SNTG2: variants seen among roughly 807,000 people sequenced by gnomAD.
SNTG2 encodes the protein syntrophin gamma 2, also known as gamma-2-syntrophin.
SNTG2 carries 74 observed loss-of-function variants against 70.9 expected under a neutral mutation model. That is an observed-to-expected ratio of 1.04 (90% CI 0.86 to 1.27). The LOEUF (loss-of-function observed/expected upper bound fraction) is 1.27, where lower values mean the gene tolerates loss of function less well. Among genes scored for constraint, SNTG2 ranks in the 50% most tolerant of loss-of-function variants. The pLI is 0.00. For synonymous variants in SNTG2, 278 were observed against 273.8 expected (o/e 1.02, Z -0.15); for missense variants, 717 against 690.7 (o/e 1.04, Z -0.43).
intron 1 of SNTG2, among the ~76,000 whole-genome samples, chr2:1,016,871 C>T (rs1322157265): frequency 6.6e-6 from 1 of 152,170 alleles, no homozygotes; most frequent in East Asian, 1.9e-4. Flanking sequence ...AGTGCACAGC[C>T]TCTGCAAAAC....
intron 13 of SNTG2, among the ~76,000 whole-genome samples, chr2:1,265,469 G>C (rs1447608610): frequency 6.6e-6 from 1 of 152,148 alleles, no homozygotes; most frequent in Middle Eastern, 3.2e-3. Context: ...GGCATTTGAT[G>C]TCTGGATGAT....
At chr2:1,106,275 T>G (rs1353668272) in intron 4 of SNTG2, among the ~76,000 whole-genome samples, 11 of 112,190 alleles carry the variant, frequency 9.8e-5, no homozygotes, top group African/African-American at 1.0e-4. Context: ...TCCTTGGTAA[T>G]AGTGGATGTG....
intron 13 of SNTG2, among the ~76,000 whole-genome samples, chr2:1,261,058 A>T (rs1678389167): frequency 1.4e-5 from 2 of 142,712 alleles, no homozygotes. Flanking sequence ...ATTAGCCAGT[A>T]GAATGGCTAT....
chr2:1,286,516 A>C (rs991379182), intron 14 of SNTG2, among the ~76,000 whole-genome samples: 2 of 152,202 alleles, frequency 1.3e-5, no homozygotes, highest in African/African-American at 4.8e-5. Context: ...CCATAAAGTG[A>C]GTGCCTTGGT....
intron 16 of SNTG2, among the ~76,000 whole-genome samples, chr2:1,328,218 T>G (rs1271059764): frequency 2.6e-5 from 4 of 152,116 alleles, no homozygotes; most frequent in Non-Finnish European, 5.9e-5. Context: ...GGAATGACAA[T>G]TCCATGTGAG....
intron 4 of SNTG2, among the ~76,000 whole-genome samples, chr2:1,101,408 C>T (rs1289571583): frequency 6.6e-6 from 1 of 152,204 alleles, no homozygotes; most frequent in Non-Finnish European, 1.5e-5. Flanking sequence ...TTTATATCCT[C>T]GTTTTATGCA....
At chr2:1,053,354 A>G (rs1662183134) in intron 1 of SNTG2, among the ~76,000 whole-genome samples, 1 of 152,168 alleles carries the variant, frequency 6.6e-6, no homozygotes, top group Non-Finnish European at 1.5e-5. Flanking sequence ...AAAAATATCA[A>G]TTTTACATTA....
intron 6 of SNTG2, among the ~76,000 whole-genome samples, chr2:1,142,485 C>T (rs1668822746): frequency 7.8e-6 from 1 of 128,050 alleles, no homozygotes; most frequent in South Asian, 3.1e-4. Flanking sequence ...GAGCCTTCCT[C>T]ACTTAGGGTT....
intron 8 of SNTG2, among the ~76,000 whole-genome samples, chr2:1,205,724 C>T (rs1011779540): frequency 7.9e-5 from 12 of 152,284 alleles, no homozygotes; most frequent in Middle Eastern, 3.4e-3. Context: ...CTTCGAAACA[C>T]GTGTGGCTTG....
intron 2 of SNTG2, among the ~76,000 whole-genome samples, chr2:1,088,869 C>T (rs1558385594): frequency 2.0e-5 from 3 of 152,166 alleles, no homozygotes; most frequent in African/African-American, 7.2e-5. Flanking sequence ...GGCCACTGGC[C>T]TTTTTCTTGG....
At chr2:1,070,531 T>G (rs888228400) in intron 1 of SNTG2, among the ~76,000 whole-genome samples, 2 of 152,204 alleles carry the variant, frequency 1.3e-5, no homozygotes, top group African/African-American at 2.4e-5. Flanking sequence ...GTTTCAATGT[T>G]TGCCTCATTT....
intron 1 of SNTG2, among the ~76,000 whole-genome samples, chr2:963,481 A>G (rs186613532): frequency 1.3e-5 from 2 of 152,336 alleles, no homozygotes; most frequent in Admixed American, 6.5e-5. Flanking sequence ...TTATATGTAA[A>G]TGAGGTGACC....
chr2:1,025,176 G>C (rs7576891), intron 1 of SNTG2, among the ~76,000 whole-genome samples: 47,291 of 152,034 alleles, frequency 0.31, 7,738 homozygotes, highest in African/African-American at 0.4. Flanking sequence ...GAGTAATGCA[G>C]GGTCTGAGTA....
chr2:961,805 T>C (rs991105689), intron 1 of SNTG2, among the ~76,000 whole-genome samples: 2 of 152,048 alleles, frequency 1.3e-5, no homozygotes, highest in African/African-American at 4.8e-5. Flanking sequence ...TGCTTTTAGC[T>C]AGGCTGGGTT....
chr2:1,234,429 A>G (rs1241571919), intron 9 of SNTG2, among the ~76,000 whole-genome samples: 1 of 152,176 alleles, frequency 6.6e-6, no homozygotes, highest in East Asian at 1.9e-4. Flanking sequence ...TAAATTACAG[A>G]CTAATAATGT....
chr2:991,502 A>G lies in SNTG2; in HGVS notation c.72+40434A>G, dbSNP rs116283197. ...TTAGAATATTTATAGTTAATACTTT[A>G]CTAATCCTCCTGGCTTATTCTGTTT... On this transcript the variant is annotated intron_variant, in intron 1 of 16. Transcript: ENST00000308624. 6.1e-3 allele frequency among the ~76,000 whole-genome samples: 936 copies of G among 152,216 alleles called. 13 individuals carry two copies. Among genetic ancestry groups the G allele is most frequent in the African/African-American group, 0.02 (824 of 41,520 alleles).
At chr2:1,089,928 A>G (rs114174987) in intron 2 of SNTG2, among the ~76,000 whole-genome samples, 2,019 of 152,354 alleles carry the variant, frequency 0.013, 54 homozygotes, top group African/African-American at 0.046. Flanking sequence ...GTTATTAAAG[A>G]GTGAAGTGTG....
chr2:1,307,230 CTG>C (rs1264472267), intron 14 of SNTG2, among the ~76,000 whole-genome samples: 1 of 131,394 alleles, frequency 7.6e-6, no homozygotes, highest in Non-Finnish European at 1.6e-5. Context: ...ATGTCTGTGT[CTG>C]TGGTGGGTGA....
intron 2 of SNTG2, among the ~76,000 whole-genome samples, chr2:1,092,360 G>A (rs1327908875): frequency 6.6e-6 from 1 of 152,164 alleles, no homozygotes; most frequent in Non-Finnish European, 1.5e-5. Context: ...CTCCAGGGAA[G>A]GGAGGGGGAT....
Sources: allele counts gnomAD v4.1 joint callset (sites outside exome capture counted in the v4.1 genomes callset), GRCh38; gene constraint gnomAD v4.1.1; transcripts MANE v1.5; gene names NCBI Gene and HGNC (gene_info 2026-07-23, HGNC 2026-07-21).